EPHB1: variants seen among roughly 807,000 people sequenced by gnomAD.
EPHB1 encodes the protein EPH receptor B1, also known as ephrin type-B receptor 1.
A neutral mutation model predicts 94.4 loss-of-function variants in EPHB1; 30 were observed. The ratio of observed to expected loss-of-function variants is 0.32; its 90% CI spans 0.24 to 0.43. The LOEUF (loss-of-function observed/expected upper bound fraction) is 0.43. Among genes scored for constraint, EPHB1 ranks in the 20% least tolerant of loss-of-function variants. EPHB1 has a pLI of 1.00. For missense variants in EPHB1, 1,055 were observed against 1,308.3 expected (o/e 0.81, Z 2.99); for synonymous variants, 522 against 489.1 (o/e 1.07, Z -0.89).
chr3:135,009,772 AT>A (rs1935555732), intron 3 of EPHB1, among the ~76,000 whole-genome samples: 1 of 152,196 alleles, frequency 6.6e-6, no homozygotes, highest in Non-Finnish European at 1.5e-5. Context: ...TTTACTTCAA[AT>A]TTATGGAATC....
chr3:135,237,844 G>T (rs1057109695), intron 12 of EPHB1, among the ~76,000 whole-genome samples: 1 of 152,154 alleles, frequency 6.6e-6, no homozygotes, highest in African/African-American at 2.4e-5. Flanking sequence ...GCACTTTAAA[G>T]TCACATGGCT....
intron 1 of EPHB1, among the ~76,000 whole-genome samples, chr3:134,908,463 C>T (rs1465752675): frequency 6.6e-6 from 1 of 152,222 alleles, no homozygotes; most frequent in Non-Finnish European, 1.5e-5. Context: ...GATTTGTTCC[C>T]TATGCCTGTC....
chr3:135,188,777 C>T (rs1431954717), intron 10 of EPHB1, among the ~76,000 whole-genome samples: 1 of 152,222 alleles, frequency 6.6e-6, no homozygotes, highest in Non-Finnish European at 1.5e-5. Flanking sequence ...TACTTAATTA[C>T]AGGGGCGAAC....
intron 3 of EPHB1, among the ~76,000 whole-genome samples, chr3:135,076,728 T>C (rs1441411168): frequency 6.6e-6 from 1 of 152,190 alleles, no homozygotes; most frequent in East Asian, 1.9e-4. Context: ...AAACAAAATG[T>C]GGTATATCCA....
At chr3:135,178,917 C>T (rs1340565540) in intron 9 of EPHB1, among the ~76,000 whole-genome samples, 3 of 152,180 alleles carry the variant, frequency 2.0e-5, no homozygotes, top group East Asian at 3.8e-4. Context: ...TTCCACCACC[C>T]ACCACCATGT....
intron 3 of EPHB1, among the ~76,000 whole-genome samples, chr3:135,044,660 T>C (rs534553604): frequency 3.5e-4 from 53 of 152,306 alleles, no homozygotes; most frequent in African/African-American, 1.1e-3. Flanking sequence ...CAAGATACCA[T>C]AGGCAAAGGT....
At chr3:135,232,235 A>C (rs1410059755) in intron 12 of EPHB1, among the ~76,000 whole-genome samples, 1 of 152,202 alleles carries the variant, frequency 6.6e-6, no homozygotes, top group East Asian at 1.9e-4. Context: ...ACTTTCAGAG[A>C]GCTTTTAAGT....
chr3:134,965,614 G>C (rs1933710353), intron 3 of EPHB1, among the ~76,000 whole-genome samples: 1 of 152,296 alleles, frequency 6.6e-6, no homozygotes, highest in South Asian at 2.1e-4. Context: ...ATTTTGGAGA[G>C]TGTTTTATCT....
At chr3:135,161,039 C>T (rs1016699991) in intron 6 of EPHB1, among the ~76,000 whole-genome samples, 3 of 151,968 alleles carry the variant, frequency 2.0e-5, no homozygotes, top group Admixed American at 6.6e-5. Context: ...AGAAGTGTGG[C>T]GTTGGGTGGG....
intron 11 of EPHB1, among the ~76,000 whole-genome samples, chr3:135,199,573 T>G (rs1445239406): frequency 1.3e-5 from 2 of 152,202 alleles, no homozygotes; most frequent in Admixed American, 1.3e-4. Context: ...GTGGTTAAAG[T>G]TAGAGTTAGA....
intron 3 of EPHB1, among the ~76,000 whole-genome samples, chr3:134,954,999 A>G (rs1179737201): frequency 2.8e-5 from 4 of 143,146 alleles, no homozygotes; most frequent in African/African-American, 1.0e-4. Flanking sequence ...CTTGCGCATT[A>G]GGATGTGTGG....
intron 11 of EPHB1, among the ~76,000 whole-genome samples, chr3:135,193,396 C>T (rs1157142383): frequency 6.6e-6 from 1 of 152,204 alleles, no homozygotes; most frequent in Non-Finnish European, 1.5e-5. Context: ...TTGCTGAAGG[C>T]CTTTGGCTGG....
chr3:135,001,393 C>T lies in EPHB1; in HGVS notation c.805+49341C>T, dbSNP rs531841128. ...TGCAGGGATAAATGTCGGCTGGTCCCCTGCCTCCATCTCCCAGGGCTGTTC... is the reference window on the plus strand; with the variant it reads ...TGCAGGGATAAATGTCGGCTGGTCCTCTGCCTCCATCTCCCAGGGCTGTTC... On this transcript the variant is annotated intron_variant, in intron 3 of 15. Coordinates refer to ENST00000398015, the MANE Select transcript of EPHB1 (RefSeq NM_004441.5). Among the ~76,000 whole-genome samples the T allele has an allele frequency of 1.0e-3, 152 of 152,264 alleles. 1 individual carries two copies. Among genetic ancestry groups the T allele is most frequent in the African/African-American group, 3.3e-3 (135 of 41,536 alleles).
intron 12 of EPHB1, among the ~76,000 whole-genome samples, chr3:135,234,747 C>G (rs1943609285): frequency 6.6e-6 from 1 of 152,052 alleles, no homozygotes; most frequent in South Asian, 2.1e-4. Context: ...AAGTGCTGAG[C>G]AAAAGGGGAA....
At chr3:134,949,004 A>G (rs936633693) in intron 2 of EPHB1, among the ~76,000 whole-genome samples, 2 of 152,172 alleles carry the variant, frequency 1.3e-5, no homozygotes, top group Admixed American at 1.3e-4. Context: ...GAGTTTGGGG[A>G]TGTTAGTCTT....
At chr3:134,858,789 G>A (rs1159937100) in intron 1 of EPHB1, among the ~76,000 whole-genome samples, 1 of 152,216 alleles carries the variant, frequency 6.6e-6, no homozygotes, top group Non-Finnish European at 1.5e-5. Flanking sequence ...TGGAACCAAG[G>A]CCAGCTGGCC....
At chr3:134,972,745 G>A (rs891676401) in intron 3 of EPHB1, among the ~76,000 whole-genome samples, 2 of 152,024 alleles carry the variant, frequency 1.3e-5, no homozygotes, top group Non-Finnish European at 2.9e-5. Flanking sequence ...GGACCAAGAG[G>A]CAGGCTGGTT....
chr3:135,022,238 G>A lies in EPHB1; in HGVS notation c.805+70186G>A, dbSNP rs1036096956. ...CCCTGCCTCGGCCTCCCAAAGTGCTGGGATTACAGGCGTGAGCCACCGCGC... is the reference window on the plus strand; with the variant it reads ...CCCTGCCTCGGCCTCCCAAAGTGCTAGGATTACAGGCGTGAGCCACCGCGC... On this transcript the variant is annotated intron_variant, in intron 3 of 15. Coordinates refer to ENST00000398015, the MANE Select transcript of EPHB1 (RefSeq NM_004441.5). Among the ~76,000 whole-genome samples the A allele has an allele frequency of 3.9e-5, 6 of 152,300 alleles. No homozygotes were observed. In the South Asian group the frequency reaches 1.2e-3, roughly 32 times the overall value.
chr3:134,997,258 T>G (rs951456637), intron 3 of EPHB1, among the ~76,000 whole-genome samples: 1 of 152,198 alleles, frequency 6.6e-6, no homozygotes, highest in Non-Finnish European at 1.5e-5. Context: ...CTCTCAGAAA[T>G]GTCTAAAGCC....
Sources: gnomAD v4.1 joint callset for allele counts (sites outside exome capture counted in the v4.1 genomes callset) on GRCh38, gnomAD v4.1.1 for gene constraint, MANE v1.5 for transcripts, NCBI Gene and HGNC (gene_info 2026-07-23, HGNC 2026-07-21) for gene names.